The following TEX14 variants were observed in gnomAD, a reference collection of about 807,000 sequenced individuals.
TEX14 encodes inactive serine/threonine-protein kinase TEX14.
In TEX14, 168 loss-of-function variants were observed where a neutral mutation model predicts 178.6. That is an observed-to-expected ratio of 0.94 (90% CI 0.83 to 1.07). The LOEUF is 1.07. TEX14 is among the 50% of genes least tolerant of loss of function. TEX14 has a pLI of 0.00. For synonymous variants in TEX14, 626 were observed against 634.1 expected (o/e 0.99, Z 0.19); for missense variants, 1,730 against 1,753.6 (o/e 0.99, Z 0.24).
At chr17:58,608,837 G>C (rs868688616) in intron 10 of TEX14, among the ~76,000 whole-genome samples, 2 of 152,224 alleles carry the variant, frequency 1.3e-5, no homozygotes, top group African/African-American at 4.8e-5. Flanking sequence ...CAGATGCAGA[G>C]AGCAGTGTAG....
At chr17:58,616,026 G>T in intron 7 of TEX14, 149 bp downstream of exon 7, 5 of 863,852 alleles carry the variant, frequency 5.8e-6, no homozygotes, top group Non-Finnish European at 8.7e-6. Flanking sequence ...AATGGTAATA[G>T]TGTCCTGGCT....
intron 25 of TEX14, 83 bp downstream of exon 25, chr17:58,570,302 C>T: frequency 1.2e-6 from 1 of 842,538 alleles, no homozygotes; most frequent in Admixed American, 3.1e-5. Flanking sequence ...CTGTCTGAAC[C>T]TAATGTGGCA....
chr17:58,660,415 AAATAAT>A (rs745782857), intron 1 of TEX14: 2 of 409,222 alleles, frequency 4.9e-6, no homozygotes, highest in Non-Finnish European at 8.8e-6. Flanking sequence ...AAAATAAATA[AAATAAT>A]AATAATAATT....
chr17:58,601,921 C>T lies in TEX14; in HGVS notation c.1563G>A (p.Glu521=). The stretch of plus-strand genomic sequence containing the variant: ...GTCCGTATCTCTGCACTCTGGGGCT[C>T]TCGGTTGGTTGAGTTCTCTGGGCTC... ...FTGAQRTQPT[E]SPRVQRYGLH... Residue 521 remains glutamate, a synonymous_variant, in exon 13 of 32, where the codon GAG becomes GAA. Coordinates refer to ENST00000349033, the MANE Select transcript of TEX14 (RefSeq NM_031272.5). The T allele has an allele frequency of 6.2e-7, 1 of 1,613,320 alleles. No homozygotes were observed. Among genetic ancestry groups the T allele is most frequent in the Non-Finnish European group, 8.5e-7 (1 of 1,180,004 alleles).
intron 10 of TEX14, among the ~76,000 whole-genome samples, chr17:58,606,108 T>C (rs905541990): frequency 1.3e-5 from 2 of 152,182 alleles, no homozygotes; most frequent in East Asian, 3.8e-4. Flanking sequence ...AGTTTAGCAC[T>C]CAAGGGTTCA....
intron 15 of TEX14, among the ~76,000 whole-genome samples, chr17:58,588,949 A>G (rs1254131220): frequency 6.6e-6 from 1 of 152,158 alleles, no homozygotes; most frequent in Non-Finnish European, 1.5e-5. Flanking sequence ...GAACATGTAC[A>G]TTTTATCATC....
At position 58,625,135 on chromosome 17, in the gene TEX14, T is replaced by A. The variant is rs556522530; in HGVS notation, c.252-2123A>T. Reference sequence around the variant, plus strand: ...CTTCTTTTTTGTTTTTTGGGTTTTTTTTTTTTCTTTTTTTGAGACGAAGTC... The same window carrying A: ...CTTCTTTTTTGTTTTTTGGGTTTTTATTTTTTCTTTTTTTGAGACGAAGTC... On this transcript the variant is annotated intron_variant, in intron 3 of 31. Transcript: ENST00000349033. Among the ~76,000 whole-genome samples, 2 of 152,086 alleles carry A rather than the reference T, an allele frequency of 1.3e-5. 1 individual carries two copies. The highest frequency in any genetic ancestry group is 4.1e-4 in the South Asian group (2 of 4,822).
chr17:58,656,383 T>A (rs2046961014), intron 1 of TEX14, among the ~76,000 whole-genome samples: 1 of 150,828 alleles, frequency 6.6e-6, no homozygotes, highest in South Asian at 2.1e-4. Context: ...AGGTGGAGGT[T>A]GCAGTGAGCC....
intron 6 of TEX14, 43 bp from the exon 7 acceptor site, chr17:58,616,348 A>G (rs765008948): frequency 1.1e-5 from 17 of 1,597,186 alleles, no homozygotes; most frequent in Non-Finnish European, 1.4e-5. Flanking sequence ...AGAAGGGGGG[A>G]AAAGCAGAAT....
At chr17:58,655,606 C>T (rs2046940383) in intron 1 of TEX14, among the ~76,000 whole-genome samples, 1 of 152,142 alleles carries the variant, frequency 6.6e-6, no homozygotes, top group South Asian at 2.1e-4. Context: ...AGAAGTGAGC[C>T]ACCGCACCTG....
At chr17:58,642,777 T>A (rs1441775455) in intron 2 of TEX14, among the ~76,000 whole-genome samples, 2 of 152,162 alleles carry the variant, frequency 1.3e-5, no homozygotes, top group Non-Finnish European at 2.9e-5. Context: ...TGGAAACCTC[T>A]CACCATCCAT....
chr17:58,560,307 GA>G (rs1200271873), intron 29 of TEX14, among the ~76,000 whole-genome samples: 1 of 152,192 alleles, frequency 6.6e-6, no homozygotes, highest in African/African-American at 2.4e-5. Flanking sequence ...CTAGAGTGAA[GA>G]GAGATTTTTT....
rs202097168 is a variant in TEX14 at position 58,611,252 on chromosome 17, C to A, written c.1093G>T (p.Gly365Trp). 6.2e-7 allele frequency: 1 copy of A among 1,613,590 alleles called. No homozygotes were observed. The highest frequency in any genetic ancestry group is 1.7e-5 in the Admixed American group (1 of 59,976). The change falls in exon 10 of 32, where the codon GGG becomes TGG. Residue 365 changes from glycine (G) to tryptophan (W), a missense_variant. By Grantham distance (184) the Gly-to-Trp change is radical (BLOSUM62 -2). Around this residue, in one of 2 missense-constraint regions of TEX14, gnomAD observed 789 missense variants for 681.2 expected, o/e 1.16. Transcript: ENST00000349033. ...SDALRYLHFQ[G>W]FIHRSLSSYA... ...GAGCTGAGGGAGCGGTGGATAAACC[C>A]CTGGAAATGCAGGTATCTCAGGGCA...
chr17:58,579,979 C>G (rs932043947), intron 19 of TEX14, among the ~76,000 whole-genome samples: 2 of 152,298 alleles, frequency 1.3e-5, no homozygotes, highest in Admixed American at 1.3e-4. Flanking sequence ...CCTTATATCA[C>G]TATCCCTATT....
chr17:58,621,172 G>A (rs1193791292), intron 5 of TEX14, among the ~76,000 whole-genome samples: 1 of 152,200 alleles, frequency 6.6e-6, no homozygotes, highest in Admixed American at 6.5e-5. Context: ...CAGCTGTGAT[G>A]GGAGAAGAGG....
intron 21 of TEX14, among the ~76,000 whole-genome samples, chr17:58,575,671 C>A (rs1465935548): frequency 6.6e-6 from 1 of 152,112 alleles, no homozygotes; most frequent in Non-Finnish European, 1.5e-5. Flanking sequence ...CACAACTCAC[C>A]GTGTTCCATT....
At chr17:58,661,235 C>G (rs1315494418) in intron 1 of TEX14, 1 of 794,912 alleles carries the variant, frequency 1.3e-6, no homozygotes, top group Admixed American at 1.7e-5. Context: ...CTCGGCCACA[C>G]GATAGTAATG....
intron 1 of TEX14, among the ~76,000 whole-genome samples, chr17:58,682,102 C>T (rs1367300676): frequency 6.6e-6 from 1 of 151,948 alleles, no homozygotes; most frequent in Non-Finnish European, 1.5e-5. Flanking sequence ...GCACACACTA[C>T]CATGTCTGGC....
chr17:58,663,434 A>G (rs1432227671), intron 1 of TEX14, among the ~76,000 whole-genome samples: 1 of 151,942 alleles, frequency 6.6e-6, no homozygotes, highest in Non-Finnish European at 1.5e-5. Context: ...AAAAAAAAAA[A>G]AAAAAAGTCA....
Sources: gnomAD v4.1 joint callset for allele counts (sites outside exome capture counted in the v4.1 genomes callset) on GRCh38, gnomAD v4.1.1 for gene constraint, gnomAD v4.1.1 regional missense constraint, MANE v1.5 for transcripts, NCBI Gene and HGNC (gene_info 2026-07-23, HGNC 2026-07-21) for gene names.